EXOC4: variants seen among roughly 807,000 people sequenced by gnomAD.
EXOC4 encodes the protein SEC8-like 1.
Under a neutral mutation model 107.2 loss-of-function variants are expected in EXOC4, and 71 were observed. That is an observed-to-expected ratio of 0.66 (90% CI 0.55 to 0.81). The LOEUF is 0.81. Ranked by LOEUF, EXOC4 falls within the 30% of genes least tolerant of loss-of-function variation. EXOC4 has a pLI of 0.00. For synonymous variants in EXOC4, 456 were observed against 441.2 expected, an observed-to-expected ratio of 1.03 and a Z score of -0.42; for missense variants, 1,108 against 1,189.6, an observed-to-expected ratio of 0.93 and a Z score of 1.01.
At chr7:134,009,272 A>C (rs1418190519) in intron 17 of EXOC4, among the ~76,000 whole-genome samples, 1 of 152,156 alleles carries the variant, frequency 6.6e-6, no homozygotes, top group African/African-American at 2.4e-5. Flanking sequence ...TTCTTTGAGA[A>C]GTGCAGGAAA....
At chr7:133,946,643 A>T (rs2116769996) in intron 14 of EXOC4, among the ~76,000 whole-genome samples, 1 of 152,304 alleles carries the variant, frequency 6.6e-6, no homozygotes, top group South Asian at 2.1e-4. Flanking sequence ...TGTTCACCTG[A>T]TTATTCTTAG....
rs553686151 is a variant in EXOC4, at chr7:133,527,957, AT to A, written c.1417+47822del. ...AATGTATCAGTCATTCTCGAACTTT[AT>A]TTGCATCAGAATCACCTGTAAGGCT... On this transcript the variant is annotated intron_variant, in intron 9 of 17. Coordinates refer to ENST00000253861, the MANE Select transcript of EXOC4 (RefSeq NM_021807.4). Among the ~76,000 whole-genome samples, 303 of 152,294 alleles carry A rather than the reference AT, an allele frequency of 2.0e-3. 2 individuals are homozygous for A. The highest frequency in any genetic ancestry group is 7.0e-3 in the African/African-American group (290 of 41,560).
chr7:133,327,857 T>A (rs566077023), intron 5 of EXOC4, among the ~76,000 whole-genome samples: 3 of 152,234 alleles, frequency 2.0e-5, no homozygotes, highest in African/African-American at 7.2e-5. Context: ...TTACTTCCAA[T>A]TGTGTGGTCA....
At chr7:133,454,455 C>T (rs1443294323) in intron 7 of EXOC4, among the ~76,000 whole-genome samples, 1 of 152,112 alleles carries the variant, frequency 6.6e-6, no homozygotes, top group African/African-American at 2.4e-5. Flanking sequence ...CGCCACCATG[C>T]CTGGCTGGTT....
chr7:133,317,225 TG>T (rs1795009192), intron 4 of EXOC4, 58 bp from the exon 5 acceptor site: 2 of 1,188,924 alleles, frequency 1.7e-6, no homozygotes, highest in South Asian at 2.5e-5. Context: ...GGGGCTGTAG[TG>T]GGAGGACTTT....
At chr7:133,905,654 G>A (rs1249877725) in intron 12 of EXOC4, among the ~76,000 whole-genome samples, 1 of 152,116 alleles carries the variant, frequency 6.6e-6, no homozygotes, top group African/African-American at 2.4e-5. Flanking sequence ...TTGGAGGTGG[G>A]GGATAAGGAG....
chr7:133,789,979 A>G (rs1164960840), intron 10 of EXOC4, among the ~76,000 whole-genome samples: 1 of 152,192 alleles, frequency 6.6e-6, no homozygotes, highest in Non-Finnish European at 1.5e-5. Context: ...TGTTGACCAC[A>G]TAATTAGATG....
intron 10 of EXOC4, among the ~76,000 whole-genome samples, chr7:133,759,702 G>A (rs549502717): frequency 2.6e-5 from 4 of 152,270 alleles, no homozygotes; most frequent in African/African-American, 9.6e-5. Flanking sequence ...TATCCTCTAT[G>A]ACAGCAAACT....
At chr7:134,029,663 G>A (rs1281920332) in intron 17 of EXOC4, among the ~76,000 whole-genome samples, 3 of 152,154 alleles carry the variant, frequency 2.0e-5, no homozygotes, top group Non-Finnish European at 2.9e-5. Context: ...GGGACCACAG[G>A]CAGACACAAT....
At chr7:133,682,825 C>T (rs575080896) in intron 10 of EXOC4, among the ~76,000 whole-genome samples, 9 of 152,300 alleles carry the variant, frequency 5.9e-5, no homozygotes, top group East Asian at 5.8e-4. Flanking sequence ...ACTCAAATGC[C>T]GCACCTGCTC....
At chr7:133,499,342 A>G (rs1446901373) in intron 9 of EXOC4, among the ~76,000 whole-genome samples, 2 of 152,212 alleles carry the variant, frequency 1.3e-5, no homozygotes, top group African/African-American at 4.8e-5. Flanking sequence ...AAGTAAAAGA[A>G]GTTCAATATT....
chr7:133,508,365 A>G (rs1476206299), intron 9 of EXOC4, among the ~76,000 whole-genome samples: 1 of 152,156 alleles, frequency 6.6e-6, no homozygotes, highest in Non-Finnish European at 1.5e-5. Context: ...ATTTCTAACA[A>G]GTCCTTTTAT....
intron 9 of EXOC4, among the ~76,000 whole-genome samples, chr7:133,550,779 T>G (rs1355326402): frequency 6.6e-6 from 1 of 152,144 alleles, no homozygotes; most frequent in African/African-American, 2.4e-5. Context: ...GATTTAACAT[T>G]GCTGGACTAC....
chr7:133,962,298 CCTT>C (rs1481657788), intron 14 of EXOC4, among the ~76,000 whole-genome samples: 5 of 152,302 alleles, frequency 3.3e-5, no homozygotes, highest in South Asian at 2.1e-4. Context: ...TTTGCTCTCT[CCTT>C]CTTGTTAGTG....
intron 7 of EXOC4, among the ~76,000 whole-genome samples, chr7:133,412,461 G>T (rs1324230326): frequency 1.3e-5 from 2 of 151,554 alleles, no homozygotes; most frequent in Non-Finnish European, 1.5e-5. Flanking sequence ...TCACTTTCAG[G>T]TATAAAGTGT....
intron 10 of EXOC4, among the ~76,000 whole-genome samples, chr7:133,655,130 T>C (rs1803258288): frequency 6.6e-6 from 1 of 152,076 alleles, no homozygotes; most frequent in African/African-American, 2.4e-5. Context: ...AAAATATTTT[T>C]CTTTCTTCAA....
At chr7:133,885,999 GT>G (rs1182924445) in intron 11 of EXOC4, among the ~76,000 whole-genome samples, 3 of 152,170 alleles carry the variant, frequency 2.0e-5, no homozygotes, top group Non-Finnish European at 4.4e-5. Flanking sequence ...TAAGAGGCCT[GT>G]TCAAGCTCAC....
At chr7:133,669,004 ATTTTT>A (rs58354607) in intron 10 of EXOC4, among the ~76,000 whole-genome samples, 2 of 118,448 alleles carry the variant, frequency 1.7e-5, no homozygotes, top group South Asian at 2.6e-4. Context: ...TGTTCTCCCA[ATTTTT>A]TTTTTTTTTT....
rs541154544 is a variant in EXOC4, at chr7:133,855,409, G to A, written c.1734+37865G>A. On this transcript the variant is annotated intron_variant, in intron 11 of 17. Transcript: ENST00000253861. ...TCGAGAAATGAAAAGATGTACACAC[G>A]CCCATGTCTGTATGTCTTCCATTTA... Among the ~76,000 whole-genome samples, 8 of 151,722 alleles carry A rather than the reference G, an allele frequency of 5.3e-5. No individual in the cohort carries two copies. In the South Asian group the frequency reaches 8.3e-4, roughly 16 times the overall value.
Sources: allele counts gnomAD v4.1 joint callset (sites outside exome capture counted in the v4.1 genomes callset), GRCh38; gene constraint gnomAD v4.1.1; transcripts MANE v1.5; gene names NCBI Gene and HGNC (gene_info 2026-07-23, HGNC 2026-07-21).